Variants in HOXD12 observed in about 807,000 individuals in gnomAD.
HOXD12 encodes homeobox protein Hox-D12.
HOXD12 carries 21 observed loss-of-function variants against 20.2 expected under a neutral mutation model. That is an observed-to-expected ratio of 1.04 (90% CI 0.74 to 1.50). HOXD12 has a LOEUF of 1.50. Among genes scored for constraint, HOXD12 ranks in the 40% most tolerant of loss-of-function variants. HOXD12 has a pLI of 0.00. For missense variants in HOXD12, 472 were observed against 365.5 expected (o/e 1.29, Z -2.38); for synonymous variants, 196 against 168.8 (o/e 1.16, Z -1.25).
rs1490637681 is a variant in HOXD12, at chr2:176,100,991, A to T, written c.*231A>T. 3 of 584,808 alleles carry T rather than the reference A, an allele frequency of 5.1e-6. No homozygotes were observed. Among genetic ancestry groups the T allele is most frequent in the Non-Finnish European group, 9.1e-6 (3 of 329,578 alleles). The allele number at this position is 584,808 out of a possible 1,614,324, so 36.2% of individuals were successfully genotyped here. On this transcript the variant is annotated 3_prime_UTR_variant, in exon 2 of 2. Coordinates refer to ENST00000406506, the MANE Select transcript of HOXD12 (RefSeq NM_021193.4). ...TACCAGTGCAACTCTGGCTGGCCTT[A>T]AGGCTTCCACGTTGGGGGACTGAGG...
chr2:176,100,551 G>T lies in HOXD12; in HGVS notation c.604G>T (p.Ala202Ser), dbSNP rs1172817097. The T allele has an allele frequency of 1.9e-6, 3 of 1,609,624 alleles. No individual in the cohort carries two copies. Among genetic ancestry groups the T allele is most frequent in the Middle Eastern group, 1.7e-4 (1 of 6,056 alleles). Residue 202 changes from alanine to serine, a missense_variant, in exon 2 of 2, where the codon GCC becomes TCC. By Grantham distance (99) the Ala-to-Ser change is moderately conservative. Transcript: ENST00000406506. The part of the protein sequence containing the change: ...GLPWGAAPGR[A>S]RKKRKPYTKQ... ...GCCGTGGGGGGCGGCCCCGGGGAGGGCCCGCAAGAAGCGGAAACCCTACAC... is the reference window on the plus strand; with the variant it reads ...GCCGTGGGGGGCGGCCCCGGGGAGGTCCCGCAAGAAGCGGAAACCCTACAC...
Position 176,100,647 on chromosome 2 carries a change from G to A in HOXD12, c.700G>A (p.Glu234Lys). ...ATTCATCAACAGGCAGAAACGCAAGGAATTGTCCAATAGGCTGAACCTCAG... is the reference window on the plus strand; with the variant it reads ...ATTCATCAACAGGCAGAAACGCAAGAAATTGTCCAATAGGCTGAACCTCAG... ...NEFINRQKRK[E>K]LSNRLNLSDQ... is the part of the protein sequence containing the mutation. The change falls in exon 2 of 2, where the codon GAA (glutamate) becomes AAA (lysine). Residue 234 changes from glutamate (E) to lysine (K), a missense_variant. Glu to Lys is a moderately conservative substitution (Grantham distance 56). Transcript: ENST00000406506. 6.2e-7 allele frequency: 1 copy of A among 1,613,904 alleles called. No homozygotes were observed. Among genetic ancestry groups the A allele is most frequent in the East Asian group, 2.2e-5 (1 of 44,876 alleles).
rs940338369 is a variant in HOXD12 at position 176,101,356 on chromosome 2, G to T, written c.*596G>T. On this transcript the variant is annotated 3_prime_UTR_variant, in exon 2 of 2. Coordinates refer to ENST00000406506, the MANE Select transcript of HOXD12 (RefSeq NM_021193.4). ...GCCACACTAGATCTTCAGACTTTGG[G>T]AGGAAAAGGGAGGGAAGGGGAGGGG... Among the ~76,000 whole-genome samples the T allele has an allele frequency of 6.6e-6, 1 of 152,074 alleles. No homozygotes were observed. The highest frequency in any genetic ancestry group is 1.5e-5 in the Non-Finnish European group (1 of 68,030).
At position 176,099,966 on chromosome 2, in the gene HOXD12, C is replaced by G. The variant is rs752300796; in HGVS notation, c.165C>G (p.Pro55=). ...PRGALPWAAT[P]ASCAPAQPAG... ...GCGCGCTGCCCTGGGCCGCCACGCC[C>G]GCCTCCTGCGCCCCCGCGCAGCCTG... The change falls in exon 1 of 2, where the codon CCC becomes CCG. Residue 55 remains proline (P), a synonymous_variant. Transcript: ENST00000406506. The G allele has an allele frequency of 1.3e-6, 2 of 1,596,564 alleles. No individual in the cohort carries two copies. Among genetic ancestry groups the G allele is most frequent in the South Asian group, 2.2e-5 (2 of 89,210 alleles).
At position 176,099,871 on chromosome 2, in the gene HOXD12, T is replaced by C; in HGVS notation, c.70T>C (p.Phe24Leu). The C allele has an allele frequency of 6.3e-7, 1 of 1,588,000 alleles. No homozygotes were observed. Among genetic ancestry groups the C allele is most frequent in the Non-Finnish European group, 8.5e-7 (1 of 1,170,526 alleles). ...SLLNLQSPDS[F>L]YFSNLRPNGG... is the part of the protein sequence containing the mutation. ...TCTGAATCTGCAGTCGCCAGACTCT[T>C]TCTACTTCTCCAACCTGAGGCCGAA... Residue 24 changes from phenylalanine (F) to leucine (L), a missense_variant, in exon 1 of 2, where the codon TTC becomes CTC. Transcript: ENST00000406506.
rs947296145 is a variant in HOXD12 at position 176,100,823 on chromosome 2, G to T, written c.*63G>T. On this transcript the variant is annotated 3_prime_UTR_variant, in exon 2 of 2. Transcript: ENST00000406506. ...TTGGACAGAGGCCTTGTTTGGGGAG[G>T]GGGATCTGGGGCTAAGGCTAAGGCT... 9.2e-7 allele frequency: 1 copy of T among 1,092,260 alleles called. No individual in the cohort carries two copies. Among genetic ancestry groups the T allele is most frequent in the African/African-American group, 1.6e-5 (1 of 64,386 alleles). The allele number at this position is 1,092,260 out of a possible 1,614,324, so 67.7% of individuals were successfully genotyped here.
chr2:176,100,192 G>A lies in HOXD12; in HGVS notation c.391G>A (p.Ala131Thr), dbSNP rs1456926051. Residue 131 changes from alanine to threonine, a missense_variant, in exon 1 of 2, where the codon GCT becomes ACT. Ala to Thr is a moderately conservative substitution (Grantham distance 58). Coordinates refer to ENST00000406506, the MANE Select transcript of HOXD12 (RefSeq NM_021193.4). ...PESSLAPAVA[A>T]LKAAKYDYAG... Reference sequence around the variant, plus strand: ...GTCTAGCCTGGCTCCTGCAGTGGCTGCTCTCAAAGCGGCCAAGTATGACTA... The same window carrying A: ...GTCTAGCCTGGCTCCTGCAGTGGCTACTCTCAAAGCGGCCAAGTATGACTA... 1.2e-6 allele frequency: 2 copies of A among 1,612,064 alleles called. No homozygotes were observed. The highest frequency in any genetic ancestry group is 2.7e-5 in the African/African-American group (2 of 74,942).
In HOXD12 at chr2:176,100,994, G is replaced by C; in HGVS notation, c.*234G>C. The C allele has an allele frequency of 1.7e-6, 1 of 583,672 alleles. No individual in the cohort carries two copies. The highest frequency in any genetic ancestry group is 2.8e-5 in the East Asian group (1 of 35,092). 36.2% of individuals were successfully genotyped at this position (583,672 alleles called of 1,614,324 possible). On this transcript the variant is annotated 3_prime_UTR_variant, in exon 2 of 2. Transcript: ENST00000406506. ...CAGTGCAACTCTGGCTGGCCTTAAG[G>C]CTTCCACGTTGGGGGACTGAGGCCA...
At position 176,101,075 on chromosome 2, in the gene HOXD12, G is replaced by C. The variant is rs1259243010; in HGVS notation, c.*315G>C. ...ACCCACCGCTCATTCTTGCTCCCCG[G>C]TACCTGGATTTTTCTGTTTCCACCC... On this transcript the variant is annotated 3_prime_UTR_variant, in exon 2 of 2. Coordinates refer to ENST00000406506, the MANE Select transcript of HOXD12 (RefSeq NM_021193.4). The C allele has an allele frequency of 2.2e-6, 1 of 462,934 alleles. No individual in the cohort carries two copies. The highest frequency in any genetic ancestry group is 3.9e-6 in the Non-Finnish European group (1 of 259,232). The allele number at this position is 462,934 out of a possible 1,614,324, so 28.7% of individuals were successfully genotyped here.
rs748657758 is a variant in HOXD12, at chr2:176,102,345, T to C, written c.*1585T>C. Among the ~76,000 whole-genome samples, 28 of 152,236 alleles carry C rather than the reference T, an allele frequency of 1.8e-4. No homozygotes were observed. Among genetic ancestry groups the C allele is most frequent in the Admixed American group, 7.2e-4 (11 of 15,286 alleles). On this transcript the variant is annotated 3_prime_UTR_variant, in exon 2 of 2. Transcript: ENST00000406506. ...CCTTAGCCCAACTGACTTCAGTTGA[T>C]ATTTAAACTAATTTCATTTTCTAGG...
chr2:176,100,152 G>T lies in HOXD12; in HGVS notation c.351G>T (p.Pro117=). Residue 117 remains proline, a synonymous_variant, in exon 1 of 2, where the codon CCG becomes CCT. Transcript: ENST00000406506. ...CAGAGGAGCGCGGTCGTACCCGGCC[G>T]TCCTTCGCCCCCGAGTCTAGCCTGG... ...AGPEERGRTR[P]SFAPESSLAP... 2 of 1,611,672 alleles carry T rather than the reference G, an allele frequency of 1.2e-6. No homozygotes were observed. The highest frequency in any genetic ancestry group is 1.7e-6 in the Non-Finnish European group (2 of 1,179,680).
At position 176,101,015 on chromosome 2, in the gene HOXD12, G is replaced by A. The variant is rs970047805; in HGVS notation, c.*255G>A. 1 of 567,068 alleles carries A rather than the reference G, an allele frequency of 1.8e-6. No individual in the cohort carries two copies. The highest frequency in any genetic ancestry group is 3.1e-6 in the Non-Finnish European group (1 of 319,578). The allele number at this position is 567,068 out of a possible 1,614,324, so 35.1% of individuals were successfully genotyped here. A position where few individuals can be genotyped will look rare whatever the true frequency, so the allele number is the denominator to read the frequency against. Reference sequence around the variant, plus strand: ...TAAGGCTTCCACGTTGGGGGACTGAGGCCAACTCTCCTTGCTCCTGGCTGG... The same window carrying A: ...TAAGGCTTCCACGTTGGGGGACTGAAGCCAACTCTCCTTGCTCCTGGCTGG... On this transcript the variant is annotated 3_prime_UTR_variant, in exon 2 of 2. Coordinates refer to ENST00000406506, the MANE Select transcript of HOXD12 (RefSeq NM_021193.4).
Position 176,100,911 on chromosome 2 carries a change from T to C in HOXD12, c.*151T>C, listed in dbSNP as rs2105383720. 6.4e-6 allele frequency: 4 copies of C among 622,350 alleles called. No individual in the cohort carries two copies. Among genetic ancestry groups the C allele is most frequent in the South Asian group, 2.0e-5 (1 of 50,788 alleles). 38.6% of individuals were successfully genotyped at this position (622,350 alleles called of 1,614,324 possible). A position where few individuals can be genotyped will look rare whatever the true frequency, so the allele number is the denominator to read the frequency against. ...CCAAGAGATTTACAGACCAGGCCAG[T>C]TGGGCCTCCTTGCTTTCCTCAGTCC... On this transcript the variant is annotated 3_prime_UTR_variant, in exon 2 of 2. Coordinates refer to ENST00000406506, the MANE Select transcript of HOXD12 (RefSeq NM_021193.4).
In HOXD12 at chr2:176,100,702, A is replaced by G; in HGVS notation, c.755A>G (p.Asn252Ser). ...SDQQVKIWFQ[N>S]RRMKKKRVVL... ...CAGCAAGTCAAAATCTGGTTCCAGA[A>G]CAGGCGTATGAAGAAGAAGCGCGTG... is the stretch of plus-strand genomic sequence containing the variant. The change falls in exon 2 of 2, where the codon AAC becomes AGC. Residue 252 changes from asparagine (N) to serine (S), a missense_variant. Asn to Ser is a conservative substitution (Grantham distance 46). Coordinates refer to ENST00000406506, the MANE Select transcript of HOXD12 (RefSeq NM_021193.4). 1.2e-6 allele frequency: 2 copies of G among 1,614,046 alleles called. No homozygotes were observed. Among genetic ancestry groups the G allele is most frequent in the Non-Finnish European group, 1.7e-6 (2 of 1,179,880 alleles).
At position 176,102,001 on chromosome 2, in the gene HOXD12, G is replaced by C. The variant is rs915742294; in HGVS notation, c.*1241G>C. On this transcript the variant is annotated 3_prime_UTR_variant, in exon 2 of 2. Transcript: ENST00000406506. ...TCTGAGGCATGTCTGGCCTGTCCCA[G>C]TGGAGACTTTAAGGCCCTGGGCCCT... 1.3e-5 allele frequency among the ~76,000 whole-genome samples: 2 copies of C among 152,226 alleles called. No individual in the cohort carries two copies. The highest frequency in any genetic ancestry group is 2.9e-5 in the Non-Finnish European group (2 of 68,048).
Position 176,099,861 on chromosome 2 carries a change from G to T in HOXD12, c.60G>T (p.Ser20=), listed in dbSNP as rs764175803. Residue 20 remains serine (S), a synonymous_variant, in exon 1 of 2, where the codon TCG becomes TCT. Transcript: ENST00000406506. ...TGGGCTCGCTTCTGAATCTGCAGTC[G>T]CCAGACTCTTTCTACTTCTCCAACC... is the stretch of plus-strand genomic sequence containing the variant. ...GYVGSLLNLQ[S]PDSFYFSNLR... 3.9e-5 allele frequency: 62 copies of T among 1,581,402 alleles called. No individual in the cohort carries two copies. The highest frequency in any genetic ancestry group is 5.1e-5 in the Non-Finnish European group (59 of 1,167,596).
At chr2:176,100,489 G>C in intron 1 of HOXD12, 33 bp from the exon 2 acceptor site, 1 of 1,589,580 alleles carries the variant, frequency 6.3e-7, no homozygotes, top group Non-Finnish European at 8.6e-7. Context: ...CAGAGTACGG[G>C]CTGGGTTGAC....
chr2:176,100,622 A>C lies in HOXD12; in HGVS notation c.675A>C (p.Glu225Asp). The change falls in exon 2 of 2, where the codon GAA becomes GAC. Residue 225 changes from glutamate to aspartate, a missense_variant. Transcript: ENST00000406506. ...AELENEFLVN[E>D]FINRQKRKEL... ...TGGAGAACGAATTCCTCGTCAACGA[A>C]TTCATCAACAGGCAGAAACGCAAGG... The C allele has an allele frequency of 6.2e-7, 1 of 1,613,646 alleles. No homozygotes were observed. The highest frequency in any genetic ancestry group is 1.7e-4 in the Middle Eastern group (1 of 6,060).
chr2:176,101,218 C>A lies in HOXD12; in HGVS notation c.*458C>A. On this transcript the variant is annotated 3_prime_UTR_variant, in exon 2 of 2. Transcript: ENST00000406506. ...GAAAGGACTGTGGGTACAATTAGGT[C>A]TCTGCAGCAGAAGCCCTTTGTGGCA... 5.6e-6 allele frequency: 1 copy of A among 180,090 alleles called. No individual in the cohort carries two copies. The highest frequency in any genetic ancestry group is 5.5e-5 in the Admixed American group (1 of 18,340). 11.2% of individuals were successfully genotyped at this position (180,090 alleles called of 1,614,324 possible).
Sources: gnomAD v4.1 joint callset for allele counts (sites outside exome capture counted in the v4.1 genomes callset) on GRCh38, gnomAD v4.1.1 for gene constraint, MANE v1.5 for transcripts, NCBI Gene and HGNC (gene_info 2026-07-23, HGNC 2026-07-21) for gene names.